SHLD1: variants seen among roughly 807,000 people sequenced by gnomAD.
SHLD1 encodes the protein shieldin complex subunit 1.
A neutral mutation model predicts 5.5 loss-of-function variants in SHLD1; 3 were observed. That is an observed-to-expected ratio of 0.54 (90% CI 0.25 to 1.40). The LOEUF (loss-of-function observed/expected upper bound fraction) is 1.40. Among genes scored for constraint, SHLD1 ranks in the 40% most tolerant of loss-of-function variants. SHLD1 has a pLI of 0.15. For missense variants in SHLD1, 210 were observed against 244.4 expected (o/e 0.86, Z 0.94); for synonymous variants, 92 against 94.3 (o/e 0.98, Z 0.14).
chr20:5,750,755 G>A (rs1173036255), intron 1 of SHLD1, among the ~76,000 whole-genome samples: 1 of 151,694 alleles, frequency 6.6e-6, no homozygotes, highest in Non-Finnish European at 1.5e-5. Flanking sequence ...AGGAGGTTCT[G>A]CTAAAAAACC....
Position 5,772,971 on chromosome 20 carries a change from C to A in SHLD1, c.106C>A (p.Gln36Lys). The A allele has an allele frequency of 6.2e-7, 1 of 1,614,164 alleles. No individual in the cohort carries two copies. ...AGATTACGTCCTGCAGGGACCCAGC[C>A]AAGAAGCCAACAGCGAGGCTTTCAG... ...IRDYVLQGPS[Q>K]EANSEAFSSL... is the part of the protein sequence containing the mutation. Residue 36 changes from glutamine to lysine, a missense_variant, in exon 2 of 3, where the codon CAA becomes AAA. By Grantham distance (53) the Gln-to-Lys change is moderately conservative. Coordinates refer to ENST00000303142, the MANE Select transcript of SHLD1 (RefSeq NM_152504.4).
intron 1 of SHLD1, among the ~76,000 whole-genome samples, chr20:5,751,717 A>G (rs960378475): frequency 2.0e-5 from 3 of 152,236 alleles, no homozygotes; most frequent in African/African-American, 4.8e-5. Flanking sequence ...ATTCTGAGCC[A>G]GTATGATTGA....
intron 2 of SHLD1, among the ~76,000 whole-genome samples, chr20:5,849,928 C>A (rs1302393056): frequency 1.4e-5 from 2 of 140,444 alleles, no homozygotes; most frequent in Admixed American, 1.5e-4. Context: ...CACTGCAGTC[C>A]GCAGTCCGGC....
intron 1 of SHLD1, among the ~76,000 whole-genome samples, chr20:5,755,974 G>T (rs1300800447): frequency 6.6e-6 from 1 of 152,142 alleles, no homozygotes; most frequent in Non-Finnish European, 1.5e-5. Flanking sequence ...TTCCTTCAGG[G>T]CCTGCAGTCA....
rs1491519084 is a variant in SHLD1, at chr20:5,764,157, T to TA, written c.-4-8705_-4-8704insA. Among the ~76,000 whole-genome samples the TA allele has an allele frequency of 2.1e-3, 89 of 41,944 alleles. 1 individual carries two copies. Among genetic ancestry groups the TA allele is most frequent in the African/African-American group, 5.9e-3 (69 of 11,696 alleles). 27.5% of individuals were successfully genotyped at this position (41,944 alleles called of 152,430 possible). On this transcript the variant is annotated intron_variant, in intron 1 of 2. Coordinates refer to ENST00000303142, the MANE Select transcript of SHLD1 (RefSeq NM_152504.4). Reference sequence around the variant, plus strand: ...AAAAAAAAATATATATATATTTATATTTATATATATATATATATTTTTATA... The same window carrying TA: ...AAAAAAAAATATATATATATTTATATATTATATATATATATATATTTTTATA...
At chr20:5,771,827 AT>A (rs1985171254) in intron 1 of SHLD1, 1 of 142,574 alleles carries the variant, frequency 7.0e-6, no homozygotes, top group South Asian at 5.5e-5. Flanking sequence ...TAGGCATATG[AT>A]TTTTTTCTTT....
At chr20:5,803,261 G>A (rs1392517830) in intron 2 of SHLD1, among the ~76,000 whole-genome samples, 1 of 151,926 alleles carries the variant, frequency 6.6e-6, no homozygotes, top group Non-Finnish European at 1.5e-5. Flanking sequence ...GAACTCCTGG[G>A]CTCTAGCAGA....
chr20:5,818,891 C>T (rs183029704), intron 2 of SHLD1, among the ~76,000 whole-genome samples: 1 of 152,180 alleles, frequency 6.6e-6, no homozygotes, highest in East Asian at 1.9e-4. Context: ...GAGATGGAGT[C>T]TTGCTCCATT....
At chr20:5,846,176 A>C (rs1278369925) in intron 2 of SHLD1, among the ~76,000 whole-genome samples, 2 of 152,126 alleles carry the variant, frequency 1.3e-5, no homozygotes, top group Non-Finnish European at 2.9e-5. Flanking sequence ...TTTCTCTTTA[A>C]ATCTAAGAAC....
At chr20:5,758,701 G>C (rs986399060) in intron 1 of SHLD1, among the ~76,000 whole-genome samples, 2 of 152,058 alleles carry the variant, frequency 1.3e-5, no homozygotes, top group African/African-American at 2.4e-5. Context: ...TTACAGGTGT[G>C]AGCCACTGCA....
At chr20:5,765,589 T>C (rs1228795751) in intron 1 of SHLD1, among the ~76,000 whole-genome samples, 1 of 151,866 alleles carries the variant, frequency 6.6e-6, no homozygotes, top group African/African-American at 2.4e-5. Context: ...TAAGCACTTC[T>C]AGAGAAGGAA....
intron 2 of SHLD1, among the ~76,000 whole-genome samples, chr20:5,830,892 G>A (rs1416153701): frequency 6.6e-6 from 1 of 151,986 alleles, no homozygotes; most frequent in African/African-American, 2.4e-5. Flanking sequence ...TATATACCAT[G>A]ATTTGTAACT....
chr20:5,764,176 TTTTATATATATATATTTTA>T (rs1568490159), intron 1 of SHLD1, among the ~76,000 whole-genome samples: 1,695 of 56,352 alleles, frequency 0.03, 20 homozygotes, highest in Non-Finnish European at 0.047. Flanking sequence ...ATATATATAT[TTTTATATATATATATTTTA>T]TATATATATA....
chr20:5,787,551 T>C (rs2087076635), intron 2 of SHLD1, among the ~76,000 whole-genome samples: 1 of 152,226 alleles, frequency 6.6e-6, no homozygotes, highest in South Asian at 2.1e-4. Context: ...GTCCCCCATG[T>C]TTGACTGACC....
At position 5,767,868 on chromosome 20, in the gene SHLD1, G is replaced by A. The variant is rs147748956; in HGVS notation, c.-4-4994G>A. Among the ~76,000 whole-genome samples the A allele has an allele frequency of 8.9e-3, 1,360 of 152,254 alleles. 8 individuals are homozygous for A. The highest frequency in any genetic ancestry group is 0.015 in the Non-Finnish European group (1,044 of 68,026). ...AGTCTTTGTATCCAAGTTGCTGATAGCAGCCAGGCCTTCCCAGAGCTGGCT... is the reference window on the plus strand; with the variant it reads ...AGTCTTTGTATCCAAGTTGCTGATAACAGCCAGGCCTTCCCAGAGCTGGCT... On this transcript the variant is annotated intron_variant, in intron 1 of 2. Transcript: ENST00000303142.
At chr20:5,780,406 A>C (rs1985633862) in intron 2 of SHLD1, among the ~76,000 whole-genome samples, 2 of 152,170 alleles carry the variant, frequency 1.3e-5, no homozygotes, top group Non-Finnish European at 2.9e-5. Flanking sequence ...AGCACAGCCC[A>C]GCAACAGGCA....
At chr20:5,776,590 C>G (rs899508492) in intron 2 of SHLD1, among the ~76,000 whole-genome samples, 1 of 151,926 alleles carries the variant, frequency 6.6e-6, no homozygotes, top group Non-Finnish European at 1.5e-5. Context: ...TGGTAAAACC[C>G]TGTCTCTAAT....
intron 2 of SHLD1, among the ~76,000 whole-genome samples, chr20:5,820,058 C>T (rs2087588574): frequency 6.6e-6 from 1 of 152,190 alleles, no homozygotes; most frequent in Non-Finnish European, 1.5e-5. Flanking sequence ...AGTGATTATC[C>T]CGCCTCAGCC....
chr20:5,811,186 G>A (rs73079266), intron 2 of SHLD1, among the ~76,000 whole-genome samples: 2,426 of 152,212 alleles, frequency 0.016, 22 homozygotes, highest in African/African-American at 0.029. Context: ...CGTACCAGAA[G>A]CCACAGCTCA....
Sources: gnomAD v4.1 joint callset for allele counts (sites outside exome capture counted in the v4.1 genomes callset) on GRCh38, gnomAD v4.1.1 for gene constraint, MANE v1.5 for transcripts, NCBI Gene and HGNC (gene_info 2026-07-23, HGNC 2026-07-21) for gene names.